The following DMKN variants were observed in gnomAD, a reference collection of about 807,000 sequenced individuals.
DMKN encodes dermokine, also known as epidermis-specific secreted protein SK30/SK89.
In DMKN, 58 loss-of-function variants were observed where a neutral mutation model predicts 67.6. The ratio of observed to expected loss-of-function variants is 0.86; its 90% CI spans 0.69 to 1.07. The LOEUF is 1.07. Among genes scored for constraint, DMKN ranks in the 50% least tolerant of loss-of-function variants. DMKN has a pLI of 0.00. For missense variants in DMKN, 596 were observed against 601.5 expected, an observed-to-expected ratio of 0.99 and a Z score of 0.10; for synonymous variants, 240 against 232.3, an observed-to-expected ratio of 1.03 and a Z score of -0.30.
At position 35,500,012 on chromosome 19, in the gene DMKN, C is replaced by A. The variant is rs1360560541; in HGVS notation, c.1305G>T (p.Gln435His). The change falls in exon 13 of 16, where the codon CAG becomes CAT. Residue 435 changes from glutamine to histidine, a missense_variant. By Grantham distance (24) the Gln-to-His change is conservative (BLOSUM62 0). Coordinates refer to ENST00000339686, the MANE Select transcript of DMKN (RefSeq NM_033317.5). ...GRDDQNYNYNQHAYPTAYGGK... is the reference protein window; with the variant it reads ...GRDDQNYNYNHHAYPTAYGGK... ...CACCATAGGCAGTGGGATACGCATGCTGGTTGTAATTGTAGTTCTGTGGAA... is the reference window on the plus strand; with the variant it reads ...CACCATAGGCAGTGGGATACGCATGATGGTTGTAATTGTAGTTCTGTGGAA... The A allele has an allele frequency of 6.2e-7, 1 of 1,614,186 alleles. No homozygotes were observed.
At position 35,512,574 on chromosome 19, in the gene DMKN, C is replaced by G; in HGVS notation, c.627+16G>C. On this transcript the variant is annotated intron_variant, in intron 2 of 15. Transcript: ENST00000339686. ...GGGAGGGAGGTGGCAGGTAGCAGGTCTGGGGGTGACTTTACCTGAGTGTTG... is the reference window on the plus strand; with the variant it reads ...GGGAGGGAGGTGGCAGGTAGCAGGTGTGGGGGTGACTTTACCTGAGTGTTG... 2 of 1,614,080 alleles carry G rather than the reference C, an allele frequency of 1.2e-6. No homozygotes were observed. Among genetic ancestry groups the G allele is most frequent in the South Asian group, 1.1e-5 (1 of 91,080 alleles).
At chr19:35,507,612 G>A in intron 7 of DMKN, 1 of 1,006,730 alleles carries the variant, frequency 9.9e-7, no homozygotes, top group Non-Finnish European at 1.5e-6. Context: ...CCTGAATCGG[G>A]GGACTGAGAC....
chr19:35,506,890 G>C (rs891958995), intron 7 of DMKN: 1 of 206,282 alleles, frequency 4.8e-6, no homozygotes, highest in African/African-American at 2.4e-5. Flanking sequence ...GCACATGCCT[G>C]TAATCCCAGC....
At chr19:35,509,790 AAT>A in intron 7 of DMKN, 119 bp downstream of exon 7, 1 of 1,193,860 alleles carries the variant, frequency 8.4e-7, no homozygotes, top group Non-Finnish European at 1.2e-6. Flanking sequence ...CTTCTGCCGA[AAT>A]AGTCAGTTCC....
intron 7 of DMKN, chr19:35,507,595 A>G (rs1305742498): frequency 7.5e-6 from 9 of 1,201,674 alleles, no homozygotes; most frequent in Non-Finnish European, 8.4e-6. Context: ...GGTGTCGGCG[A>G]GGGATTCCTG....
Position 35,500,534 on chromosome 19 carries a change from T to C in DMKN, c.1286A>G (p.Gln429Arg). ...SLQKRAGRDD[Q>R]NYNYNQHAYP... ...GGTAACTTGAGGACAGAGACTCACC[T>C]GATCGTCTCTGCCTGCACGTTTCTG... Residue 429 changes from glutamine (Q) to arginine (R), a missense_variant and splice_region_variant, in exon 12 of 16, where the codon CAG becomes CGG. Coordinates refer to ENST00000339686, the MANE Select transcript of DMKN (RefSeq NM_033317.5). 6.2e-7 allele frequency: 1 copy of C among 1,611,544 alleles called. No individual in the cohort carries two copies. Among genetic ancestry groups the C allele is most frequent in the East Asian group, 2.2e-5 (1 of 44,846 alleles).
intron 9 of DMKN, chr19:35,503,525 G>T: frequency 1.3e-6 from 2 of 1,524,126 alleles, no homozygotes; most frequent in Non-Finnish European, 1.8e-6. Flanking sequence ...GCCCAGGCTG[G>T]AGTGCAGTGG....
intron 6 of DMKN, 32 bp downstream of exon 6, chr19:35,510,129 AGCTGCTCTCCTTTTCCTTCCCGC>A: frequency 6.4e-7 from 1 of 1,572,274 alleles, no homozygotes; most frequent in South Asian, 1.1e-5. Flanking sequence ...GAGTGAAACC[AGCTGCTCTCCTTTTCCTTCCCGC>A]GGTTGGTGGG....
intron 3 of DMKN, 132 bp downstream of exon 3, chr19:35,512,289 C>G (rs1189498085): frequency 7.9e-7 from 1 of 1,267,840 alleles, no homozygotes; most frequent in African/African-American, 1.5e-5. Flanking sequence ...TGAGCCACCT[C>G]GCCCAGCCCC....
At position 35,502,168 on chromosome 19, in the gene DMKN, T is replaced by A; in HGVS notation, c.1207A>T (p.Thr403Ser). The change falls in exon 11 of 16, where the codon ACT becomes TCT. Residue 403 changes from threonine (T) to serine (S), a missense_variant. By Grantham distance (58) the Thr-to-Ser change is moderately conservative (BLOSUM62 1). Transcript: ENST00000339686. ...ATTGCTTTCCAGTTGAGGAAAGGAG[T>A]GTTCTGTTTGAAATCCTGCAGGGAG... ...SRLWEDFKQN[T>S]PFLNWKAIIE... 1 of 1,613,522 alleles carries A rather than the reference T, an allele frequency of 6.2e-7. No individual in the cohort carries two copies. The highest frequency in any genetic ancestry group is 1.1e-5 in the South Asian group (1 of 91,040).
Position 35,513,234 on chromosome 19 carries a change from G to C in DMKN, c.242C>G (p.Thr81Ser), listed in dbSNP as rs1046269134. The C allele has an allele frequency of 6.2e-7, 1 of 1,614,112 alleles. No homozygotes were observed. Among genetic ancestry groups the C allele is most frequent in the Non-Finnish European group, 8.5e-7 (1 of 1,180,040 alleles). Residue 81 changes from threonine to serine, a missense_variant, in exon 1 of 16, where the codon ACT becomes AGT. Transcript: ENST00000339686. ...AAAGCCTGGAACCTGCCTGACTCCA[G>C]TGCCAACTGCTTCTCTGGTCCCTTG... Reference protein sequence around the residue: ...LGQGTREAVGTGVRQVPGFGV... With the variant: ...LGQGTREAVGSGVRQVPGFGV...
intron 9 of DMKN, among the ~76,000 whole-genome samples, chr19:35,504,126 C>A (rs1322609983): frequency 6.6e-6 from 1 of 152,248 alleles, no homozygotes; most frequent in East Asian, 1.9e-4. Flanking sequence ...TGCCTCACTG[C>A]GATCACTCCC....
chr19:35,500,298 G>A, intron 12 of DMKN: 1 of 1,508,822 alleles, frequency 6.6e-7, no homozygotes, highest in Non-Finnish European at 9.0e-7. Context: ...CTCTTCAAGT[G>A]TTACTTGGGA....
At chr19:35,503,260 C>G in intron 9 of DMKN, 1 of 1,472,472 alleles carries the variant, frequency 6.8e-7, no homozygotes. Context: ...TCCACACCAC[C>G]CTGGATAACA....
In DMKN at chr19:35,508,105, A is replaced by G; in HGVS notation, c.1038+1806T>C. The G allele has an allele frequency of 1.4e-6, 2 of 1,460,512 alleles. 1 individual carries two copies. Among genetic ancestry groups the G allele is most frequent in the South Asian group, 2.5e-5 (2 of 80,834 alleles). The allele number at this position is 1,460,512 out of a possible 1,614,324, so 90.5% of individuals were successfully genotyped here. The stretch of plus-strand genomic sequence containing the variant: ...GAGCTCTCAGGTAGACCTGGCAGGG[A>G]TGTGGGACCACCTGTCTGCCAGTAT... On this transcript the variant is annotated intron_variant, in intron 7 of 15. Coordinates refer to ENST00000339686, the MANE Select transcript of DMKN (RefSeq NM_033317.5).
At chr19:35,506,867 G>A (rs1053327849) in intron 7 of DMKN, 8 of 219,442 alleles carry the variant, frequency 3.6e-5, no homozygotes, top group African/African-American at 1.6e-4. Context: ...TACAAAATTA[G>A]TCAGGCATGG....
chr19:35,507,550 C>T (rs894830941), intron 7 of DMKN: 9 of 1,541,098 alleles, frequency 5.8e-6, no homozygotes, highest in Middle Eastern at 1.7e-4. Context: ...GATGGGGAGG[C>T]AGGCGGGCAG....
chr19:35,507,089 T>C (rs186029089), intron 7 of DMKN: 2 of 202,644 alleles, frequency 9.9e-6, no homozygotes, highest in East Asian at 2.7e-4. Context: ...ATTACAGTTA[T>C]GCTGGTGCCT....
intron 5 of DMKN, chr19:35,510,468 A>G (rs761609514): frequency 9.7e-6 from 15 of 1,551,712 alleles, no homozygotes; most frequent in Non-Finnish European, 1.3e-5. Flanking sequence ...GGAACTACGC[A>G]ATGATTTGGA....
Sources: allele counts gnomAD v4.1 joint callset (sites outside exome capture counted in the v4.1 genomes callset), GRCh38; gene constraint gnomAD v4.1.1; transcripts MANE v1.5; gene names NCBI Gene and HGNC (gene_info 2026-07-23, HGNC 2026-07-21).